Variants in CNTNAP5 observed in about 807,000 individuals in gnomAD.
The protein encoded by CNTNAP5 is contactin associated protein family member 5.
In CNTNAP5, 72 loss-of-function variants were observed where a neutral mutation model predicts 150.2. The observed-to-expected ratio is 0.48, with a 90% confidence interval of 0.40 to 0.58. The LOEUF is 0.58. Ranked by LOEUF, CNTNAP5 falls within the 20% of genes least tolerant of loss-of-function variation. The pLI is 0.00. For synonymous variants in CNTNAP5, 672 were observed against 619.8 expected (o/e 1.08, Z -1.25); for missense variants, 1,636 against 1,626.2 (o/e 1.01, Z -0.10).
chr2:124,357,610 T>C (rs1573938552), intron 3 of CNTNAP5, among the ~76,000 whole-genome samples: 1 of 147,064 alleles, frequency 6.8e-6, no homozygotes, highest in Admixed American at 6.8e-5. Context: ...AAAGATCAGA[T>C]AGTTGTAGAT....
intron 1 of CNTNAP5, among the ~76,000 whole-genome samples, chr2:124,029,820 A>C (rs1680995532): frequency 6.6e-6 from 1 of 152,106 alleles, no homozygotes; most frequent in African/African-American, 2.4e-5. Context: ...AGAGTCTTCG[A>C]GTTGATAAGC....
At chr2:124,611,878 A>G (rs1677391965) in intron 12 of CNTNAP5, among the ~76,000 whole-genome samples, 1 of 152,200 alleles carries the variant, frequency 6.6e-6, no homozygotes, top group East Asian at 1.9e-4. Flanking sequence ...GTTTACAAAT[A>G]CCATCTCTTT....
At chr2:124,074,177 T>C (rs1008356798) in intron 1 of CNTNAP5, among the ~76,000 whole-genome samples, 4 of 151,970 alleles carry the variant, frequency 2.6e-5, no homozygotes, top group African/African-American at 9.7e-5. Context: ...AGAAGGATGA[T>C]TATCAGAGGC....
chr2:124,729,507 AT>A (rs1177760771), intron 13 of CNTNAP5, among the ~76,000 whole-genome samples: 1 of 152,092 alleles, frequency 6.6e-6, no homozygotes, highest in Non-Finnish European at 1.5e-5. Flanking sequence ...TAAGAAGTTT[AT>A]ATGTGTAAAT....
intron 1 of CNTNAP5, among the ~76,000 whole-genome samples, chr2:124,170,672 G>T (rs149387734): frequency 6.6e-6 from 1 of 152,288 alleles, no homozygotes; most frequent in Non-Finnish European, 1.5e-5. Context: ...CATGGGCCAC[G>T]GTGAGCTGTG....
intron 8 of CNTNAP5, among the ~76,000 whole-genome samples, chr2:124,518,526 G>A (rs1694780923): frequency 6.6e-6 from 1 of 152,124 alleles, no homozygotes; most frequent in African/African-American, 2.4e-5. Context: ...GTTCCTCAAA[G>A]GGTTAAATAT....
At chr2:124,642,383 G>T (rs1678112169) in intron 12 of CNTNAP5, among the ~76,000 whole-genome samples, 1 of 152,140 alleles carries the variant, frequency 6.6e-6, no homozygotes, top group Non-Finnish European at 1.5e-5. Context: ...TAAAAGAGCA[G>T]CTTCAGAAAT....
rs558033811 is a variant in CNTNAP5, at chr2:124,432,221, T to C, written c.530-2263T>C. ...AATGCATCCATGAATAATGATGGAA[T>C]TGAGTTACTGCTTCAAAGACACCAT... On this transcript the variant is annotated intron_variant, in intron 4 of 23. Transcript: ENST00000682447. Among the ~76,000 whole-genome samples, 44 of 152,318 alleles carry C rather than the reference T, an allele frequency of 2.9e-4. No individual in the cohort carries two copies. The South Asian group carries it at 7.5e-3, about 26-fold the overall frequency.
chr2:124,417,132 G>A (rs1270357195), intron 3 of CNTNAP5, among the ~76,000 whole-genome samples: 3 of 151,688 alleles, frequency 2.0e-5, no homozygotes, highest in African/African-American at 4.8e-5. Flanking sequence ...TAGAGACAGT[G>A]TTTCACCATG....
intron 5 of CNTNAP5, among the ~76,000 whole-genome samples, chr2:124,437,166 T>C (rs1464229881): frequency 6.6e-6 from 1 of 152,176 alleles, no homozygotes; most frequent in Non-Finnish European, 1.5e-5. Context: ...GGAGAAACTC[T>C]TCCTAAAGTA....
chr2:124,902,834 GA>G (rs779379163), intron 21 of CNTNAP5, 47 bp from the exon 22 acceptor site: 143 of 1,428,596 alleles, frequency 1.0e-4, no homozygotes, highest in South Asian at 2.4e-4. Flanking sequence ...ATATAATTTG[GA>G]AAAAACAAAA....
chr2:124,142,840 A>G (rs926205939), intron 1 of CNTNAP5, among the ~76,000 whole-genome samples: 6 of 151,326 alleles, frequency 4.0e-5, no homozygotes, highest in African/African-American at 1.2e-4. Context: ...AAAAAAATCA[A>G]TAAATCCAGG....
chr2:124,696,212 T>C (rs1221986467), intron 13 of CNTNAP5, among the ~76,000 whole-genome samples: 1 of 152,172 alleles, frequency 6.6e-6, no homozygotes, highest in Non-Finnish European at 1.5e-5. Context: ...GGAGTGAAGT[T>C]TGGAATATTT....
chr2:124,787,410 T>C (rs12474831), intron 17 of CNTNAP5, among the ~76,000 whole-genome samples: 55,274 of 152,076 alleles, frequency 0.36, 11,327 homozygotes, highest in African/African-American at 0.56. Flanking sequence ...CAGGAGAATG[T>C]AATTGGGGTT....
intron 1 of CNTNAP5, among the ~76,000 whole-genome samples, chr2:124,043,113 C>A (rs1681428062): frequency 6.6e-6 from 1 of 152,168 alleles, no homozygotes. Context: ...TACTGGATGT[C>A]TGCCTTTTGA....
At chr2:124,620,776 T>C (rs907031474) in intron 12 of CNTNAP5, among the ~76,000 whole-genome samples, 12 of 150,168 alleles carry the variant, frequency 8.0e-5, no homozygotes, top group East Asian at 3.9e-4. Context: ...CACACACACA[T>C]ATATATGCAA....
intron 3 of CNTNAP5, among the ~76,000 whole-genome samples, chr2:124,404,025 T>A (rs1691503535): frequency 6.6e-6 from 1 of 151,970 alleles, no homozygotes; most frequent in South Asian, 2.1e-4. Context: ...CAGGTGGGGG[T>A]TATGGGAGCA....
At chr2:124,412,323 C>T (rs1365111014) in intron 3 of CNTNAP5, among the ~76,000 whole-genome samples, 2 of 149,278 alleles carry the variant, frequency 1.3e-5, no homozygotes, top group Admixed American at 6.7e-5. Context: ...TTTACAGATT[C>T]AATGCCATCC....
In CNTNAP5 at chr2:124,849,720, C is replaced by G. The variant is rs2104701924; in HGVS notation, c.3218-15586C>G. 1.3e-5 allele frequency among the ~76,000 whole-genome samples: 2 copies of G among 152,266 alleles called. 1 individual carries two copies. On this transcript the variant is annotated intron_variant, in intron 19 of 23. Coordinates refer to ENST00000682447, the MANE Select transcript of CNTNAP5 (RefSeq NM_001367498.1). ...CTTCTACAATTTCTTTCATCAGCGT[C>G]ATACACATTTAACATTTGATTGTAC...
Sources: allele counts gnomAD v4.1 joint callset (sites outside exome capture counted in the v4.1 genomes callset), GRCh38; gene constraint gnomAD v4.1.1; transcripts MANE v1.5; gene names NCBI Gene and HGNC (gene_info 2026-07-23, HGNC 2026-07-21).